FAM161B: variants seen among roughly 807,000 people sequenced by gnomAD.
The protein encoded by FAM161B is FAM161 centrosomal protein B.
In FAM161B, 46 loss-of-function variants were observed where a neutral mutation model predicts 61.5. That is an observed-to-expected ratio of 0.75 (90% CI 0.59 to 0.96). FAM161B has a LOEUF of 0.96. Ranked by LOEUF, FAM161B falls within the 40% of genes least tolerant of loss-of-function variation. FAM161B has a pLI of 0.00. For synonymous variants in FAM161B, 284 were observed against 302.7 expected (o/e 0.94, Z 0.64); for missense variants, 774 against 800.7 (o/e 0.97, Z 0.40).
downstream of FAM161B, among the ~76,000 whole-genome samples, chr14:73,931,341 G>A (rs1349521310): frequency 1.3e-5 from 2 of 152,146 alleles, no homozygotes; most frequent in African/African-American, 2.4e-5. Flanking sequence ...AGGCCACAGT[G>A]ACATCTATCA....
At chr14:73,948,565 G>A (rs1440952993) in intron 1 of FAM161B, among the ~76,000 whole-genome samples, 1 of 152,134 alleles carries the variant, frequency 6.6e-6, no homozygotes, top group Non-Finnish European at 1.5e-5. Flanking sequence ...TCTTGGGCAC[G>A]TTTTTTCTTT....
At chr14:73,938,565 G>C (rs2055990926) in intron 5 of FAM161B, among the ~76,000 whole-genome samples, 1 of 151,998 alleles carries the variant, frequency 6.6e-6, no homozygotes, top group Non-Finnish European at 1.5e-5. Context: ...AAGGTCAGGA[G>C]ATCGAGACTA....
intron 5 of FAM161B, among the ~76,000 whole-genome samples, chr14:73,939,536 A>G (rs2055999557): frequency 6.6e-6 from 1 of 152,226 alleles, no homozygotes; most frequent in African/African-American, 2.4e-5. Context: ...GCTACCCAGC[A>G]TGCCAGTGGA....
At chr14:73,941,105 TATC>T (rs145812433) in intron 4 of FAM161B, 52 bp from the exon 5 acceptor site, 7 of 1,427,310 alleles carry the variant, frequency 4.9e-6, no homozygotes, top group South Asian at 2.6e-5. Flanking sequence ...GATTAGTTTC[TATC>T]TTTTTTTTTT....
At chr14:73,926,502 C>T (rs551927851), downstream of FAM161B, among the ~76,000 whole-genome samples, 112 of 152,094 alleles carry the variant, frequency 7.4e-4, no homozygotes, top group African/African-American at 2.6e-3. Context: ...GGCGTGATCT[C>T]GGCTCACTGC....
rs758185473 is a variant in FAM161B at position 73,942,640 on chromosome 14, G to T, written c.1001C>A (p.Ala334Asp). 6.2e-7 allele frequency: 1 copy of T among 1,614,222 alleles called. No homozygotes were observed. Among genetic ancestry groups the T allele is most frequent in the South Asian group, 1.1e-5 (1 of 91,090 alleles). The change falls in exon 4 of 9, where the codon GCC (alanine) becomes GAC (aspartate). Residue 334 changes from alanine (A) to aspartate (D), a missense_variant. Physicochemically the swap from Ala to Asp is moderately radical, Grantham distance 126 (BLOSUM62 -2). Coordinates refer to ENST00000286544, the MANE Select transcript of FAM161B (RefSeq NM_152445.3). The part of the protein sequence containing the change: ...DMLQMASSPI[A>D]SSSNRANPQP... ...TGGGTTAGCCCGGTTACTAGAGGAG[G>T]CGATAGGGGAAGAGGCCATCTGGAG...
At chr14:73,934,524 C>CCCTCCCACCTCAAGCAAT in intron 8 of FAM161B, 130 bp from the exon 9 acceptor site, 1 of 772,206 alleles carries the variant, frequency 1.3e-6, no homozygotes, top group Non-Finnish European at 1.9e-6. Context: ...GCTGAAGCAA[C>CCCTCCCACCTCAAGCAAT]CCTCCCACCT....
downstream of FAM161B, among the ~76,000 whole-genome samples, chr14:73,928,513 G>A (rs1346323145): frequency 6.6e-6 from 1 of 152,196 alleles, no homozygotes; most frequent in Non-Finnish European, 1.5e-5. Context: ...TCAGATTTGT[G>A]TATTCAGAAT....
intron 1 of FAM161B, among the ~76,000 whole-genome samples, chr14:73,947,702 A>G (rs903520465): frequency 6.6e-6 from 1 of 152,210 alleles, no homozygotes; most frequent in African/African-American, 2.4e-5. Context: ...TTTGGTTGAT[A>G]AAGTCCATCA....
chr14:73,932,447 T>TA lies in FAM161B; in HGVS notation c.*1808dup. ...ATCTTCATTTCTTAAGCCCAGGTGA[T>TA]AGTTACTCTGTCACCACCAAAAAAG... On this transcript the variant is annotated 3_prime_UTR_variant, in exon 9 of 9. Transcript: ENST00000286544. The TA allele has an allele frequency of 2.2e-6, 1 of 455,220 alleles. No homozygotes were observed. The highest frequency in any genetic ancestry group is 4.4e-6 in the Non-Finnish European group (1 of 226,634). The allele number at this position is 455,220 out of a possible 1,614,324, so 28.2% of individuals were successfully genotyped here. A position where few individuals can be genotyped will look rare whatever the true frequency, so the allele number is the denominator to read the frequency against.
At chr14:73,949,912 A>C in intron 1 of FAM161B, 61 bp downstream of exon 1, 1 of 1,600,676 alleles carries the variant, frequency 6.2e-7, no homozygotes, top group Non-Finnish European at 8.5e-7. Context: ...CTCCAAGGCA[A>C]CGCCCAACAG....
At chr14:73,932,064 G>A (rs1397208568), downstream of FAM161B, 1 of 455,028 alleles carries the variant, frequency 2.2e-6, no homozygotes, top group South Asian at 1.6e-5. Context: ...CTCTGCCACT[G>A]GGCTGCAAAA....
Position 73,944,787 on chromosome 14 carries a change from TG to T in FAM161B, c.472del (p.Gln158SerfsTer20). On this transcript the variant is annotated frameshift_variant, in exon 3 of 9. Transcript: ENST00000286544. LOFTEE classifies it high-confidence loss of function. ...QPPSGSRPPS[Q>X]HRSVSSWASS... ...TGCCCAGGAGCTGACGCTTCTGTGC[TG>T]GGAGGGAGGCCGGGAGCCTGAGGGT... is the stretch of plus-strand genomic sequence containing the variant. 1 of 1,585,546 alleles carries T rather than the reference TG, an allele frequency of 6.3e-7. No homozygotes were observed.
chr14:73,929,734 T>G (rs1349465838), downstream of FAM161B, among the ~76,000 whole-genome samples: 1 of 151,834 alleles, frequency 6.6e-6, no homozygotes, highest in Non-Finnish European at 1.5e-5. Flanking sequence ...AGAGGATCAC[T>G]TGGGCCCAGG....
Position 73,950,062 on chromosome 14 carries a change from GAT to G in FAM161B, c.-38_-37del. Reference sequence around the variant, plus strand: ...CAGAGGCAGCAGCGACAGTGACAGCGATAGTGGCAGCAGCGGTGGCAGCGAGA... The same window carrying G: ...CAGAGGCAGCAGCGACAGTGACAGCGAGTGGCAGCAGCGGTGGCAGCGAGA... On this transcript the variant is annotated 5_prime_UTR_variant, in exon 1 of 9. Coordinates refer to ENST00000286544, the MANE Select transcript of FAM161B (RefSeq NM_152445.3). 6.2e-7 allele frequency: 1 copy of G among 1,609,394 alleles called. No individual in the cohort carries two copies. The highest frequency in any genetic ancestry group is 2.2e-5 in the East Asian group (1 of 44,878).
At position 73,944,861 on chromosome 14, in the gene FAM161B, G is replaced by T; in HGVS notation, c.399C>A (p.Ser133Arg). 1 of 1,522,508 alleles carries T rather than the reference G, an allele frequency of 6.6e-7. No homozygotes were observed. The highest frequency in any genetic ancestry group is 8.8e-7 in the Non-Finnish European group (1 of 1,136,212). The allele number at this position is 1,522,508 out of a possible 1,614,324, so 94.3% of individuals were successfully genotyped here. A position where few individuals can be genotyped will look rare whatever the true frequency, so the allele number is the denominator to read the frequency against. ...TGTTGGAGGGAAGGTTGTTCAGGGA[G>T]CTGCAGCGCCTTGTGGAGCCACACC... ...ALRCGSTRRC[S>R]SLNNLPSNIP... The change falls in exon 3 of 9, where the codon AGC becomes AGA. Residue 133 changes from serine (S) to arginine (R), a missense_variant. Ser to Arg is a moderately radical substitution (Grantham distance 110). Coordinates refer to ENST00000286544, the MANE Select transcript of FAM161B (RefSeq NM_152445.3).
Position 73,947,358 on chromosome 14 carries a change from C to T in FAM161B, c.55-753G>A, listed in dbSNP as rs143002584. On this transcript the variant is annotated intron_variant, in intron 1 of 8. Coordinates refer to ENST00000286544, the MANE Select transcript of FAM161B (RefSeq NM_152445.3). ...TGAGATTGCGCCACTGCACTCCAGCCTGGGCAACAAGAGTGATGCTCCGTC... is the reference window on the plus strand; with the variant it reads ...TGAGATTGCGCCACTGCACTCCAGCTTGGGCAACAAGAGTGATGCTCCGTC... Among the ~76,000 whole-genome samples, 10 of 133,454 alleles carry T rather than the reference C, an allele frequency of 7.5e-5. 1 individual carries two copies. Among genetic ancestry groups the T allele is most frequent in the African/African-American group, 2.9e-4 (10 of 34,994 alleles). The allele number at this position is 133,454 out of a possible 152,430, so 87.6% of individuals were successfully genotyped here. A position where few individuals can be genotyped will look rare whatever the true frequency, so the allele number is the denominator to read the frequency against.
chr14:73,946,520 A>C lies in FAM161B; in HGVS notation c.140T>G (p.Leu47Arg). ...CTCCTCTGGGCTGAGGAACTCGTCA[A>C]GTTTGCTGGCCCTGGGCAAAACCAG... ...DGLVLPRASK[L>R]DEFLSPEEEI... The change falls in exon 2 of 9, where the codon CTT (leucine) becomes CGT (arginine). Residue 47 changes from leucine to arginine, a missense_variant. Leu to Arg is a moderately radical substitution (Grantham distance 102, BLOSUM62 -2). Coordinates refer to ENST00000286544, the MANE Select transcript of FAM161B (RefSeq NM_152445.3). 1 of 1,614,200 alleles carries C rather than the reference A, an allele frequency of 6.2e-7. No homozygotes were observed. Among genetic ancestry groups the C allele is most frequent in the Admixed American group, 1.7e-5 (1 of 60,028 alleles).
Position 73,946,379 on chromosome 14 carries a change from T to A in FAM161B, c.281A>T (p.Asp94Val). Residue 94 changes from aspartate to valine, a missense_variant, in exon 2 of 9, where the codon GAT (aspartate) becomes GTT (valine). By Grantham distance (152) the Asp-to-Val change is radical. Coordinates refer to ENST00000286544, the MANE Select transcript of FAM161B (RefSeq NM_152445.3). ...ESLFQSDPES[D>V]ENLSEDEEDL... ...CTCCTCATCTTCAGAGAGGTTTTCA[T>A]CACTCTCTGGGTCAGACTGAAAGAG... 1 of 1,614,190 alleles carries A rather than the reference T, an allele frequency of 6.2e-7. No individual in the cohort carries two copies. The highest frequency in any genetic ancestry group is 1.3e-5 in the African/African-American group (1 of 75,034).
Sources: gnomAD v4.1 joint callset for allele counts (sites outside exome capture counted in the v4.1 genomes callset) on GRCh38, gnomAD v4.1.1 for gene constraint, MANE v1.5 for transcripts, NCBI Gene and HGNC (gene_info 2026-07-23, HGNC 2026-07-21) for gene names.